Variants in ZFHX3 observed in about 807,000 individuals in gnomAD.
ZFHX3 encodes zinc finger homeobox 3.
In ZFHX3, 42 loss-of-function variants were observed where a neutral mutation model predicts 279.1. The ratio of observed to expected loss-of-function variants is 0.15; its 90% confidence interval spans 0.12 to 0.19. The LOEUF is 0.19. Ranked by LOEUF, ZFHX3 falls within the 10% of genes least tolerant of loss-of-function variation. ZFHX3 has a pLI of 1.00. For missense variants in ZFHX3, 4,981 were observed against 4,754.0 expected, an observed-to-expected ratio of 1.05 and a Z score of -1.40; for synonymous variants, 2,293 against 1,957.8, an observed-to-expected ratio of 1.17 and a Z score of -4.52.
At chr16:73,532,194 G>A (rs768451897) in intron 2 of ZFHX3, among the ~76,000 whole-genome samples, 4 of 151,808 alleles carry the variant, frequency 2.6e-5, no homozygotes, top group Admixed American at 6.6e-5. Flanking sequence ...TAGCTCCCAC[G>A]TGTTATGGGA....
chr16:73,220,737 C>T (rs2012387006), intron 5 of ZFHX3, among the ~76,000 whole-genome samples: 1 of 152,024 alleles, frequency 6.6e-6, no homozygotes, highest in African/African-American at 2.4e-5. Context: ...GGGCTGTGTT[C>T]ACCCAGAGGG....
At chr16:73,733,267 T>C (rs1461566494) in intron 1 of ZFHX3, among the ~76,000 whole-genome samples, 2 of 152,168 alleles carry the variant, frequency 1.3e-5, no homozygotes, top group African/African-American at 2.4e-5. Context: ...AGTATTATCT[T>C]CTACTAAAAA....
intron 4 of ZFHX3, among the ~76,000 whole-genome samples, chr16:72,855,717 C>T (rs1381335172): frequency 1.3e-5 from 2 of 152,138 alleles, no homozygotes; most frequent in African/African-American, 4.8e-5. Flanking sequence ...AATGCTCGCG[C>T]CAGAGAAACG....
At chr16:73,045,372 T>C in intron 1 of ZFHX3, among the ~76,000 whole-genome samples, 1 of 152,338 alleles carries the variant, frequency 6.6e-6, no homozygotes, top group East Asian at 1.9e-4. Context: ...GTCATAATGA[T>C]GAAAACTAAA....
At chr16:73,693,714 C>A (rs1192339476) in intron 1 of ZFHX3, among the ~76,000 whole-genome samples, 6 of 152,180 alleles carry the variant, frequency 3.9e-5, no homozygotes, top group Non-Finnish European at 8.8e-5. Context: ...TAAACAGTCC[C>A]TCCCTTCAGT....
At chr16:73,586,199 G>A (rs1473895550) in intron 2 of ZFHX3, among the ~76,000 whole-genome samples, 1 of 151,982 alleles carries the variant, frequency 6.6e-6, no homozygotes, top group Non-Finnish European at 1.5e-5. Context: ...GATGAGCCTG[G>A]CCAACATGGT....
At chr16:73,552,320 T>C (rs1169093233) in intron 2 of ZFHX3, among the ~76,000 whole-genome samples, 3 of 152,202 alleles carry the variant, frequency 2.0e-5, no homozygotes, top group Non-Finnish European at 4.4e-5. Flanking sequence ...GAGAAATACA[T>C]ACCTATTATG....
chr16:73,370,930 G>A (rs2016617634), intron 3 of ZFHX3, among the ~76,000 whole-genome samples: 1 of 152,166 alleles, frequency 6.6e-6, no homozygotes, highest in African/African-American at 2.4e-5. Flanking sequence ...ACAACCAAGA[G>A]GTGCAAGATG....
At chr16:73,112,670 C>T (rs1184395946) in intron 7 of ZFHX3, among the ~76,000 whole-genome samples, 3 of 137,962 alleles carry the variant, frequency 2.2e-5, no homozygotes, top group South Asian at 2.4e-4. Context: ...GAGCTGAGAT[C>T]GCGCCACTGC....
At chr16:73,566,057 T>A (rs548329877) in intron 2 of ZFHX3, among the ~76,000 whole-genome samples, 1 of 152,216 alleles carries the variant, frequency 6.6e-6, no homozygotes, top group Non-Finnish European at 1.5e-5. Flanking sequence ...TGCAGAGCTG[T>A]GGCAATGCTG....
chr16:72,954,415 G>C (rs978026049), intron 2 of ZFHX3, among the ~76,000 whole-genome samples: 3 of 152,118 alleles, frequency 2.0e-5, no homozygotes, highest in Non-Finnish European at 2.9e-5. Context: ...CCTTAGTCTT[G>C]AGCCACACTG....
intron 2 of ZFHX3, among the ~76,000 whole-genome samples, chr16:73,582,588 C>T (rs1217284336): frequency 1.3e-5 from 2 of 151,906 alleles, no homozygotes; most frequent in Non-Finnish European, 2.9e-5. Flanking sequence ...GATTCTTCTG[C>T]CTCAGCCTCC....
At position 72,889,816 on chromosome 16, in the gene ZFHX3, C is replaced by A. The variant is rs2038725403; in HGVS notation, c.3363G>T (p.Leu1121=). The A allele has an allele frequency of 1.2e-6, 2 of 1,613,780 alleles. No individual in the cohort carries two copies. Among genetic ancestry groups the A allele is most frequent in the Admixed American group, 1.7e-5 (1 of 60,010 alleles). Residue 1121 remains leucine, a synonymous_variant, in exon 4 of 10, where the codon CTG becomes CTT. Coordinates refer to ENST00000268489, the MANE Select transcript of ZFHX3 (RefSeq NM_006885.4). ...KHQRSESLRK[L]QRLQKGLPEE... Reference sequence around the variant, plus strand: ...CTGGAAGGCCCTTCTGCAGCCGCTGCAGCTTTCGCAGGCTCTCGCTTCGCT... The same window carrying A: ...CTGGAAGGCCCTTCTGCAGCCGCTGAAGCTTTCGCAGGCTCTCGCTTCGCT...
At position 72,798,421 on chromosome 16, in the gene ZFHX3, G is replaced by C. The variant is rs771831197; in HGVS notation, c.4261C>G (p.Gln1421Glu). Residue 1421 changes from glutamine (Q) to glutamate (E), a missense_variant, in exon 9 of 10, where the codon CAG becomes GAG. Physicochemically the swap from Gln to Glu is conservative, Grantham distance 29 (BLOSUM62 2). This residue lies in a region of ZFHX3 where 1,751 missense variants were observed against 1,770.0 expected (regional missense o/e 0.99). Coordinates refer to ENST00000268489, the MANE Select transcript of ZFHX3 (RefSeq NM_006885.4). ...GTGGCAGCTCTGATCACATGGTACT[G>C]AGAATGGAGCTGCAACTTTTCAATG... The part of the protein sequence containing the change: ...KTIEKLQLHS[Q>E]YHVIRAATMC... The C allele has an allele frequency of 2.5e-5, 41 of 1,614,102 alleles. No homozygotes were observed. In the East Asian group the frequency reaches 8.7e-4, roughly 34 times the overall value.
chr16:73,055,324 A>G (rs966570493), intron 1 of ZFHX3, among the ~76,000 whole-genome samples: 1 of 151,838 alleles, frequency 6.6e-6, no homozygotes. Flanking sequence ...CTGGGAGCCT[A>G]TGTCTATGCA....
chr16:72,879,171 C>A (rs902845926), intron 4 of ZFHX3, among the ~76,000 whole-genome samples: 59 of 152,186 alleles, frequency 3.9e-4, no homozygotes, highest in Admixed American at 3.9e-3. Flanking sequence ...TTATGTCCAG[C>A]CTGGAGTATA....
At chr16:73,692,922 C>T (rs1221944022) in intron 1 of ZFHX3, among the ~76,000 whole-genome samples, 1 of 152,212 alleles carries the variant, frequency 6.6e-6, no homozygotes, top group South Asian at 2.1e-4. Context: ...TTGAACTATA[C>T]CATTTTATTT....
chr16:73,748,117 T>C (rs112002735), intron 1 of ZFHX3, among the ~76,000 whole-genome samples: 3,683 of 152,278 alleles, frequency 0.024, 158 homozygotes, highest in African/African-American at 0.085. Context: ...TGAGAAAATG[T>C]AGAATCTAAC....
At chr16:73,414,682 A>G (rs1006252999) in intron 3 of ZFHX3, among the ~76,000 whole-genome samples, 1 of 152,198 alleles carries the variant, frequency 6.6e-6, no homozygotes, top group Admixed American at 6.5e-5. Flanking sequence ...ACAAAAATTT[A>G]AAATAATCCA....
Sources: allele counts gnomAD v4.1 joint callset (sites outside exome capture counted in the v4.1 genomes callset), GRCh38; gene constraint gnomAD v4.1.1; regional missense constraint gnomAD v4.1.1; transcripts MANE v1.5; gene names NCBI Gene and HGNC (gene_info 2026-07-23, HGNC 2026-07-21).